CLVS1: variants seen among roughly 807,000 people sequenced by gnomAD.
CLVS1 encodes clavesin 1.
A neutral mutation model predicts 33.1 loss-of-function variants in CLVS1; 10 were observed. The observed-to-expected ratio is 0.30, with a 90% CI of 0.19 to 0.51. CLVS1 has a LOEUF of 0.51. Ranked by LOEUF, CLVS1 falls within the 20% of genes least tolerant of loss-of-function variation. CLVS1 has a pLI of 0.97. For missense variants in CLVS1, 343 were observed against 433.4 expected, an observed-to-expected ratio of 0.79 and a Z score of 1.85; for synonymous variants, 163 against 166.1, an observed-to-expected ratio of 0.98 and a Z score of 0.14.
At chr8:61,249,680 A>C (rs749792827) in intron 2 of CLVS1, among the ~76,000 whole-genome samples, 19 of 152,200 alleles carry the variant, frequency 1.2e-4, no homozygotes, top group Admixed American at 1.3e-4. Context: ...AGTGATGGTG[A>C]GCATTTTTTC....
chr8:61,281,639 C>T (rs564939015), intron 2 of CLVS1, among the ~76,000 whole-genome samples: 23 of 152,190 alleles, frequency 1.5e-4, no homozygotes, highest in Non-Finnish European at 3.1e-4. Context: ...GCAACCCTAA[C>T]ACACTAGTAC....
rs58375166 is a variant in CLVS1, at chr8:61,297,536, C to T, written c.-151-2141C>T. 9.7e-3 allele frequency among the ~76,000 whole-genome samples: 1,473 copies of T among 152,172 alleles called. 25 individuals are homozygous for T. The highest frequency in any genetic ancestry group is 0.033 in the African/African-American group (1,378 of 41,528). On this transcript the variant is annotated intron_variant, in intron 1 of 5. Transcript: ENST00000325897. The stretch of plus-strand genomic sequence containing the variant: ...GATGTCATTCACTAAAAGACAAAGA[C>T]GGAGGAGCAAATTCAGGATAAGGAA...
upstream of CLVS1, among the ~76,000 whole-genome samples, chr8:61,285,843 G>A (rs1036886936): frequency 6.6e-6 from 1 of 152,108 alleles, no homozygotes; most frequent in Non-Finnish European, 1.5e-5. Flanking sequence ...ACAGCACATT[G>A]TTGAACATGT....
intron 2 of CLVS1, among the ~76,000 whole-genome samples, chr8:61,330,653 C>T (rs1811558827): frequency 6.6e-6 from 1 of 152,188 alleles, no homozygotes; most frequent in South Asian, 2.1e-4. Context: ...CCCTGCTGTA[C>T]AGATGTACAT....
the CLVS1 span, among the ~76,000 whole-genome samples, chr8:60,995,552 G>T: frequency 6.6e-6 from 1 of 152,178 alleles, no homozygotes; most frequent in African/African-American, 2.4e-5. Flanking sequence ...GAACACTTTT[G>T]CACTGTTGGT....
At chr8:61,382,733 T>A (rs1482889228) in intron 3 of CLVS1, among the ~76,000 whole-genome samples, 1 of 152,126 alleles carries the variant, frequency 6.6e-6, no homozygotes, top group Admixed American at 6.6e-5. Context: ...AGCCCAAGAA[T>A]TTACACTTCA....
intron 2 of CLVS1, among the ~76,000 whole-genome samples, chr8:61,187,993 G>A (rs1290401230): frequency 6.6e-6 from 1 of 151,996 alleles, no homozygotes; most frequent in Admixed American, 6.6e-5. Context: ...AAAATTGCAT[G>A]AGCATCTGGA....
intron 5 of CLVS1, among the ~76,000 whole-genome samples, chr8:61,472,930 C>G (rs1007588101): frequency 1.3e-5 from 2 of 152,080 alleles, no homozygotes; most frequent in African/African-American, 2.4e-5. Context: ...GCGGACACTG[C>G]CCCTGCAGTG....
intron 5 of CLVS1, chr8:61,465,730 C>T (rs1341514446): frequency 2.0e-5 from 3 of 152,104 alleles, no homozygotes; most frequent in East Asian, 1.9e-4. Context: ...GGTATGATCT[C>T]GGCTCACTGC....
intron 3 of CLVS1, among the ~76,000 whole-genome samples, chr8:61,384,867 GAATGGGGAGATCGGGAC>G (rs1351480541): frequency 2.6e-5 from 4 of 152,130 alleles, no homozygotes; most frequent in Admixed American, 6.6e-5. Context: ...AGAAGCTGGA[GAATGGGGAGATCGGGAC>G]AATGGGGAGA....
chr8:61,336,559 T>C (rs888726187), intron 2 of CLVS1, among the ~76,000 whole-genome samples: 8 of 151,986 alleles, frequency 5.3e-5, no homozygotes, highest in Non-Finnish European at 8.8e-5. Context: ...GGGAGGCACC[T>C]CTTATGGGAT....
intron 2 of CLVS1, among the ~76,000 whole-genome samples, chr8:61,356,342 A>C (rs1812706717): frequency 1.3e-5 from 2 of 151,840 alleles, no homozygotes; most frequent in South Asian, 4.2e-4. Flanking sequence ...AGGTTGTGAA[A>C]ATTTTCTCCC....
In CLVS1 at chr8:61,300,302, T is replaced by G. The variant is rs1810380427; in HGVS notation, c.455+20T>G. On this transcript the variant is annotated intron_variant, in intron 2 of 5. Transcript: ENST00000325897. Reference sequence around the variant, plus strand: ...GAGTAGGTAAATGTAGATAGTGTCTTTACTTGGTTTTTCTTTGCTATAAGC... The same window carrying G: ...GAGTAGGTAAATGTAGATAGTGTCTGTACTTGGTTTTTCTTTGCTATAAGC... The G allele has an allele frequency of 6.3e-7, 1 of 1,585,150 alleles. No homozygotes were observed. Among genetic ancestry groups the G allele is most frequent in the African/African-American group, 1.4e-5 (1 of 73,884 alleles).
intron 1 of CLVS1, among the ~76,000 whole-genome samples, chr8:61,065,353 A>AT (rs968243728): frequency 2.0e-5 from 3 of 151,976 alleles, no homozygotes; most frequent in Non-Finnish European, 4.4e-5. Context: ...TTTTCCCTGA[A>AT]TTTTTTGATG....
chr8:61,429,150 G>C (rs954546446), intron 3 of CLVS1, among the ~76,000 whole-genome samples: 2 of 152,096 alleles, frequency 1.3e-5, no homozygotes, highest in African/African-American at 4.8e-5. Flanking sequence ...AGCTGGGTGC[G>C]GTGGCTCATG....
At chr8:61,443,662 A>G in intron 3 of CLVS1, among the ~76,000 whole-genome samples, 1 of 152,114 alleles carries the variant, frequency 6.6e-6, no homozygotes, top group Non-Finnish European at 1.5e-5. Context: ...TAAACCTTGA[A>G]ATTTGGTAGA....
At chr8:61,388,312 T>A (rs1202916424) in intron 3 of CLVS1, among the ~76,000 whole-genome samples, 3 of 149,994 alleles carry the variant, frequency 2.0e-5, no homozygotes, top group Admixed American at 2.0e-4. Flanking sequence ...CCTATCTGAA[T>A]CAATCATTTT....
the CLVS1 span, among the ~76,000 whole-genome samples, chr8:61,017,481 A>T: frequency 2.0e-5 from 3 of 152,236 alleles, no homozygotes; most frequent in Admixed American, 6.5e-5. Context: ...TGTCATTTGC[A>T]TCCTTTCTGA....
intron 3 of CLVS1, among the ~76,000 whole-genome samples, chr8:61,389,293 C>A (rs1585901280): frequency 1.3e-5 from 2 of 152,030 alleles, no homozygotes; most frequent in African/African-American, 4.8e-5. Flanking sequence ...TAATCCCAGC[C>A]CTTTGGGAGG....
Sources: allele counts gnomAD v4.1 joint callset (sites outside exome capture counted in the v4.1 genomes callset), GRCh38; gene constraint gnomAD v4.1.1; transcripts MANE v1.5; gene names NCBI Gene and HGNC (gene_info 2026-07-23, HGNC 2026-07-21).